The following RTL4 variants were observed in gnomAD, a reference collection of about 807,000 sequenced individuals.
The protein encoded by RTL4 is retrotransposon Gag-like protein 4.
RTL4 carries 4 observed loss-of-function variants against 5.3 expected under a neutral mutation model. The ratio of observed to expected loss-of-function variants is 0.75; its 90% CI spans 0.37 to 1.72. The LOEUF (loss-of-function observed/expected upper bound fraction) is 1.72, where lower values mean the gene tolerates loss of function less well. Among genes scored for constraint, RTL4 ranks in the 40% most tolerant of loss-of-function variants. The pLI, the probability that RTL4 is intolerant of heterozygous loss-of-function variation, is 0.04. For missense variants in RTL4, 260 were observed against 227.1 expected, an observed-to-expected ratio of 1.14 and a Z score of -0.93; for synonymous variants, 98 against 87.3, an observed-to-expected ratio of 1.12 and a Z score of -0.68.
chrX:112,226,728 C>T, the RTL4 span, among the ~76,000 whole-genome samples: 5 of 71,193 alleles, frequency 7.0e-5, no homozygotes, highest in Non-Finnish European at 1.0e-4. Context: ...ATTTGGCCTA[C>T]ACCAGACAAA....
At chrX:112,454,375 G>A (rs912936995), upstream of RTL4, 3 of 145,095 alleles carry the variant, frequency 2.1e-5, no homozygotes, top group Non-Finnish European at 4.0e-5. Flanking sequence ...TAGTCAGAGG[G>A]CAAATTGCCC....
the RTL4 span, among the ~76,000 whole-genome samples, chrX:112,094,094 G>T: frequency 8.9e-6 from 1 of 111,774 alleles, no homozygotes; most frequent in South Asian, 3.7e-4. Context: ...TGGGGAAGAA[G>T]AGTAGAAGCA....
chrX:112,300,455 A>G, the RTL4 span, among the ~76,000 whole-genome samples: 1 of 112,450 alleles, frequency 8.9e-6, no homozygotes, highest in Non-Finnish European at 1.9e-5. Flanking sequence ...ATTCAAGGCT[A>G]TAGCAAAGTG....
At chrX:112,190,397 G>C in the RTL4 span, among the ~76,000 whole-genome samples, 1 of 110,453 alleles carries the variant, frequency 9.1e-6, no homozygotes, top group Non-Finnish European at 1.9e-5. Context: ...TGGTCCAGTA[G>C]AAAGGCCACA....
At chrX:112,181,965 A>T in the RTL4 span, among the ~76,000 whole-genome samples, 1 of 111,460 alleles carries the variant, frequency 9.0e-6, no homozygotes, top group Non-Finnish European at 1.9e-5. Context: ...CCCCTCTGGG[A>T]TGAAGTTTCC....
the RTL4 span, among the ~76,000 whole-genome samples, chrX:112,250,042 C>T: frequency 0.018 from 2,005 of 109,836 alleles, 48 homozygotes; most frequent in African/African-American, 0.063. Flanking sequence ...TTTGGGAGGC[C>T]GAGGTAGGTG....
the RTL4 span, among the ~76,000 whole-genome samples, chrX:112,178,910 T>TA: frequency 3.6e-5 from 4 of 110,306 alleles, no homozygotes; most frequent in South Asian, 3.8e-4. Flanking sequence ...ATTGTCAATT[T>TA]AAAAAAAAAG....
At chrX:112,397,841 T>C in the RTL4 span, among the ~76,000 whole-genome samples, 2 of 112,055 alleles carry the variant, frequency 1.8e-5, no homozygotes, top group Non-Finnish European at 3.8e-5. Flanking sequence ...GAATTGACCT[T>C]ATACCCTTTA....
chrX:112,448,155 G>A, the RTL4 span, among the ~76,000 whole-genome samples: 3 of 111,872 alleles, frequency 2.7e-5, no homozygotes, highest in Non-Finnish European at 5.6e-5. Context: ...GAGACAGGAG[G>A]GAGCATGAAG....
At chrX:112,290,324 G>A in the RTL4 span, among the ~76,000 whole-genome samples, 1 of 111,670 alleles carries the variant, frequency 9.0e-6, no homozygotes. Flanking sequence ...AGCACAGGGT[G>A]AAATAATGAT....
At chrX:112,111,922 C>T in the RTL4 span, among the ~76,000 whole-genome samples, 4 of 111,841 alleles carry the variant, frequency 3.6e-5, no homozygotes, top group African/African-American at 6.5e-5. Context: ...GAGGGCCGCA[C>T]ACATGTGTAT....
chrX:112,249,100 T>C, the RTL4 span, among the ~76,000 whole-genome samples: 1 of 112,182 alleles, frequency 8.9e-6, no homozygotes, highest in Non-Finnish European at 1.9e-5. Context: ...GGGTATTCAA[T>C]AGTTTTAAAT....
the RTL4 span, among the ~76,000 whole-genome samples, chrX:112,331,758 C>G: frequency 1.1e-5 from 1 of 94,007 alleles, no homozygotes; most frequent in African/African-American, 4.0e-5. Flanking sequence ...GGAACCAACC[C>G]AAATGTCCAA....
downstream of RTL4, among the ~76,000 whole-genome samples, chrX:112,457,502 A>C (rs1182018967): frequency 8.9e-6 from 1 of 111,793 alleles, no homozygotes; most frequent in Non-Finnish European, 1.9e-5. Flanking sequence ...TCTATAATAA[A>C]GGACTAACCT....
the RTL4 span, among the ~76,000 whole-genome samples, chrX:112,096,127 G>A: frequency 8.9e-6 from 1 of 112,174 alleles, no homozygotes; most frequent in Admixed American, 9.4e-5. Flanking sequence ...GCCAAGTTAT[G>A]TAGCCTCTGT....
chrX:112,422,554 C>T, the RTL4 span, among the ~76,000 whole-genome samples: 1 of 110,846 alleles, frequency 9.0e-6, no homozygotes, highest in Non-Finnish European at 1.9e-5. Context: ...CTGGTCGTCT[C>T]TGACCCACCA....
chrX:112,157,346 C>T, the RTL4 span, among the ~76,000 whole-genome samples: 1 of 110,903 alleles, frequency 9.0e-6, no homozygotes, highest in Non-Finnish European at 1.9e-5. Context: ...TAAATGATCC[C>T]TAAGTATAGT....
chrX:112,353,036 G>A, the RTL4 span, among the ~76,000 whole-genome samples: 201 of 111,501 alleles, frequency 1.8e-3, no homozygotes, highest in African/African-American at 6.0e-3. Flanking sequence ...ATGAACAGAC[G>A]CTTCTCAAAA....
chrX:112,292,835 T>G, the RTL4 span, among the ~76,000 whole-genome samples: 1 of 111,777 alleles, frequency 8.9e-6, no homozygotes, highest in Non-Finnish European at 1.9e-5. Flanking sequence ...AAAAATAACA[T>G]AAATACATAT....
Sources: gnomAD v4.1 joint callset for allele counts (sites outside exome capture counted in the v4.1 genomes callset) on GRCh38, gnomAD v4.1.1 for gene constraint, MANE v1.5 for transcripts, NCBI Gene and HGNC (gene_info 2026-07-23, HGNC 2026-07-21) for gene names.